Variants in TNIK observed in about 807,000 individuals in gnomAD.
TNIK encodes the protein TRAF2 and NCK interacting kinase.
A neutral mutation model predicts 191.3 loss-of-function variants in TNIK; 49 were observed. The observed-to-expected ratio is 0.26, with a 90% CI of 0.20 to 0.32. TNIK has a LOEUF of 0.32. TNIK is among the 10% of genes least tolerant of loss of function. The pLI is 1.00. For missense variants in TNIK, 1,155 were observed against 1,702.3 expected, an observed-to-expected ratio of 0.68 and a Z score of 5.66; for synonymous variants, 594 against 600.9, an observed-to-expected ratio of 0.99 and a Z score of 0.17.
At chr3:171,304,578 C>T (rs1753216715) in intron 2 of TNIK, among the ~76,000 whole-genome samples, 1 of 152,130 alleles carries the variant, frequency 6.6e-6, no homozygotes, top group Non-Finnish European at 1.5e-5. Flanking sequence ...TATTGCGGCA[C>T]TATTCACAAT....
intron 1 of TNIK, among the ~76,000 whole-genome samples, chr3:171,429,817 C>T (rs1174378027): frequency 6.6e-6 from 1 of 152,074 alleles, no homozygotes; most frequent in African/African-American, 2.4e-5. Flanking sequence ...CTACCTCGCC[C>T]CAGAAGCCTT....
At chr3:171,096,185 A>G (rs968249304) in intron 22 of TNIK, among the ~76,000 whole-genome samples, 5 of 152,118 alleles carry the variant, frequency 3.3e-5, no homozygotes, top group Admixed American at 3.3e-4. Flanking sequence ...GCCTGGTGGC[A>G]TCTGCCAGGC....
chr3:171,327,316 A>G (rs1755877650), intron 2 of TNIK, among the ~76,000 whole-genome samples: 1 of 152,162 alleles, frequency 6.6e-6, no homozygotes, highest in Non-Finnish European at 1.5e-5. Context: ...ATGGGTTACA[A>G]TTGTAGAGCC....
At chr3:171,067,856 G>A (rs1718666396) in intron 30 of TNIK, among the ~76,000 whole-genome samples, 1 of 152,178 alleles carries the variant, frequency 6.6e-6, no homozygotes, top group African/African-American at 2.4e-5. Flanking sequence ...CACCAGGAAT[G>A]TGAGCTGTGA....
intron 2 of TNIK, among the ~76,000 whole-genome samples, chr3:171,365,067 T>C (rs1195463622): frequency 6.6e-6 from 1 of 150,462 alleles, no homozygotes; most frequent in African/African-American, 2.4e-5. Context: ...TGAGGCTACA[T>C]TGCCTGGACA....
rs1718420155 is a variant in TNIK at position 171,066,296 on chromosome 3, C to T, written c.3890G>A (p.Trp1297Ter). The T allele has an allele frequency of 6.2e-7, 1 of 1,613,788 alleles. No homozygotes were observed. The change falls in exon 32 of 33, where the codon TGG becomes TAG. Residue 1297 changes from tryptophan to a stop codon, truncating the protein, a stop_gained. Transcript: ENST00000436636. LOFTEE classifies it high-confidence loss of function. ...CCGGATCTCAATAGCTTTCTCGCCC[C>T]AGCCCATTATCTGATTGGAATGAAT... is the stretch of plus-strand genomic sequence containing the variant. ...AYIHSNQIMG[W>*]GEKAIEIRSV... is the part of the protein sequence containing the mutation.
intron 17 of TNIK, among the ~76,000 whole-genome samples, chr3:171,124,101 A>G (rs1053534163): frequency 6.6e-6 from 1 of 152,224 alleles, no homozygotes; most frequent in African/African-American, 2.4e-5. Flanking sequence ...CACCCAGATG[A>G]AGCAAGTTCC....
chr3:171,112,351 A>G (rs1221670050), intron 18 of TNIK, among the ~76,000 whole-genome samples: 1 of 152,196 alleles, frequency 6.6e-6, no homozygotes, highest in Non-Finnish European at 1.5e-5. Context: ...TCCTCTGTAG[A>G]GTTCCTGACC....
At chr3:171,199,205 T>TA (rs529123625) in intron 4 of TNIK, among the ~76,000 whole-genome samples, 1,513 of 141,480 alleles carry the variant, frequency 0.011, 13 homozygotes, top group Non-Finnish European at 0.015. Flanking sequence ...TAATGGGATT[T>TA]AAAAAAAAAA....
rs775859248 is a variant in TNIK, at chr3:171,059,559, C to G, written c.*4322G>C. On this transcript the variant is annotated 3_prime_UTR_variant, in exon 33 of 33. Coordinates refer to ENST00000436636, the MANE Select transcript of TNIK (RefSeq NM_015028.4). ...ATACAAATTGTCAGTTTTGAACTTG[C>G]AAATTCTCAAGAGGTTTTCTTCTTT... is the stretch of plus-strand genomic sequence containing the variant. Among the ~76,000 whole-genome samples the G allele has an allele frequency of 3.3e-5, 5 of 152,084 alleles. No individual in the cohort carries two copies. Among genetic ancestry groups the G allele is most frequent in the Non-Finnish European group, 5.9e-5 (4 of 68,000 alleles).
intron 2 of TNIK, among the ~76,000 whole-genome samples, chr3:171,280,355 AG>A (rs1750285017): frequency 6.6e-6 from 1 of 152,190 alleles, no homozygotes; most frequent in African/African-American, 2.4e-5. Flanking sequence ...ACCCTGTACC[AG>A]GCTCTGGCTT....
chr3:171,263,596 T>C (rs987413034), intron 2 of TNIK, among the ~76,000 whole-genome samples: 1 of 152,176 alleles, frequency 6.6e-6, no homozygotes, highest in Non-Finnish European at 1.5e-5. Flanking sequence ...TGCAATGATG[T>C]ATAAAACATA....
At chr3:171,172,633 C>CA (rs1735450333) in intron 9 of TNIK, among the ~76,000 whole-genome samples, 2 of 152,192 alleles carry the variant, frequency 1.3e-5, no homozygotes, top group African/African-American at 4.8e-5. Flanking sequence ...GCTGCACCAC[C>CA]ACCTCTACAA....
chr3:171,382,251 C>T lies in TNIK; in HGVS notation c.58-12566G>A, dbSNP rs573252540. Reference sequence around the variant, plus strand: ...TTTTTTTTTTTTTTTGAGACAGTCTCGCTCTGTCAGCCAGGCTGGAGGGCA... The same window carrying T: ...TTTTTTTTTTTTTTTGAGACAGTCTTGCTCTGTCAGCCAGGCTGGAGGGCA... On this transcript the variant is annotated intron_variant, in intron 1 of 32. Transcript: ENST00000436636. 2.5e-3 allele frequency among the ~76,000 whole-genome samples: 303 copies of T among 119,832 alleles called. 1 individual carries two copies. The highest frequency in any genetic ancestry group is 8.7e-3 in the African/African-American group (292 of 33,438). 78.6% of individuals were successfully genotyped at this position (119,832 alleles called of 152,430 possible). A position where few individuals can be genotyped will look rare whatever the true frequency, so the allele number is the denominator to read the frequency against.
intron 3 of TNIK, among the ~76,000 whole-genome samples, chr3:171,211,741 G>C (rs569158443): frequency 3.5e-4 from 53 of 152,262 alleles, no homozygotes; most frequent in South Asian, 1.9e-3. Context: ...GGGAAAAGGA[G>C]CAAAGGTAAG....
At chr3:171,259,081 G>A (rs1747261418) in intron 2 of TNIK, among the ~76,000 whole-genome samples, 1 of 152,046 alleles carries the variant, frequency 6.6e-6, no homozygotes, top group South Asian at 2.1e-4. Context: ...CAAAGTCAAG[G>A]ACAGTGTGTT....
intron 15 of TNIK, 125 bp from the exon 16 acceptor site, chr3:171,129,003 G>A: frequency 7.2e-7 from 1 of 1,383,408 alleles, no homozygotes; most frequent in Non-Finnish European, 9.5e-7. Flanking sequence ...CTGATTTTAA[G>A]AAGACAAAAC....
At chr3:171,443,884 C>A (rs1044367408) in intron 1 of TNIK, among the ~76,000 whole-genome samples, 1 of 152,136 alleles carries the variant, frequency 6.6e-6, no homozygotes, top group Non-Finnish European at 1.5e-5. Flanking sequence ...GATATTAACA[C>A]CTCTTCTGAG....
At chr3:171,139,357 TAGA>T (rs1730451692) in intron 14 of TNIK, 110 bp downstream of exon 14, 4 of 945,326 alleles carry the variant, frequency 4.2e-6, no homozygotes, top group East Asian at 2.5e-5. Context: ...ACTGGTATGT[TAGA>T]AGGACACACG....
Sources: gnomAD v4.1 joint callset for allele counts (sites outside exome capture counted in the v4.1 genomes callset) on GRCh38, gnomAD v4.1.1 for gene constraint, MANE v1.5 for transcripts, NCBI Gene and HGNC (gene_info 2026-07-23, HGNC 2026-07-21) for gene names.